VRK2: variants seen among roughly 807,000 people sequenced by gnomAD.
VRK2 encodes serine/threonine-protein kinase VRK2.
VRK2 carries 60 observed loss-of-function variants against 57.6 expected under a neutral mutation model. The ratio of observed to expected loss-of-function variants is 1.04; its 90% CI spans 0.85 to 1.29. The LOEUF (loss-of-function observed/expected upper bound fraction) is 1.29. VRK2 is among the 50% of genes most tolerant of loss of function. The pLI is 0.00. For missense variants in VRK2, 705 were observed against 588.1 expected (o/e 1.20, Z -2.06); for synonymous variants, 231 against 199.2 (o/e 1.16, Z -1.35).
At chr2:57,949,440 T>C (rs778885570) in intron 1 of VRK2, among the ~76,000 whole-genome samples, 5 of 152,208 alleles carry the variant, frequency 3.3e-5, no homozygotes, top group Admixed American at 6.5e-5. Flanking sequence ...ATGTCTGTTA[T>C]GGTGATCTGT....
intron 1 of VRK2, among the ~76,000 whole-genome samples, chr2:57,917,120 T>C (rs768407945): frequency 1.7e-4 from 26 of 152,326 alleles, no homozygotes; most frequent in Non-Finnish European, 2.8e-4. Context: ...GGAAGTCATT[T>C]ATGCCTTAAT....
At chr2:57,987,008 A>C (rs928693889) in intron 1 of VRK2, among the ~76,000 whole-genome samples, 1 of 152,200 alleles carries the variant, frequency 6.6e-6, no homozygotes, top group South Asian at 2.1e-4. Flanking sequence ...CACATGCAAA[A>C]AAATATAAAC....
chr2:58,103,638 A>G (rs1430260750), intron 7 of VRK2, among the ~76,000 whole-genome samples: 1 of 151,746 alleles, frequency 6.6e-6, no homozygotes, highest in Non-Finnish European at 1.5e-5. Flanking sequence ...CAGTAACCAA[A>G]TGGATTAATT....
At chr2:58,001,475 A>G (rs1673086451) in intron 1 of VRK2, among the ~76,000 whole-genome samples, 1 of 152,216 alleles carries the variant, frequency 6.6e-6, no homozygotes, top group Non-Finnish European at 1.5e-5. Flanking sequence ...GTTTCATGTA[A>G]GAATTAATCT....
rs570499890 is a variant in VRK2 at position 58,154,704 on chromosome 2, A to C, written c.1183-4645A>C. ...TAAAGCATTTGGAGATTTTCCTATT[A>C]TTTCTTTCCTTCATCTTGATCTTGG... On this transcript the variant is annotated intron_variant, in intron 12 of 12. Coordinates refer to ENST00000340157, the MANE Select transcript of VRK2 (RefSeq NM_006296.7). 237 of 712,296 alleles carry C rather than the reference A, an allele frequency of 3.3e-4. 1 individual carries two copies. In the African/African-American group the frequency reaches 3.7e-3, roughly 11 times the overall value. The allele number at this position is 712,296 out of a possible 1,614,324, so 44.1% of individuals were successfully genotyped here.
At chr2:58,103,190 C>T (rs1674258573) in intron 7 of VRK2, among the ~76,000 whole-genome samples, 1 of 151,190 alleles carries the variant, frequency 6.6e-6, no homozygotes, top group Admixed American at 6.6e-5. Context: ...AAGAACAAAC[C>T]ATACCCATAG....
At chr2:58,081,239 A>G (rs1391117548) in intron 2 of VRK2, among the ~76,000 whole-genome samples, 1 of 151,996 alleles carries the variant, frequency 6.6e-6, no homozygotes, top group Non-Finnish European at 1.5e-5. Context: ...CAGTTAAGTA[A>G]AGACAAATGG....
chr2:58,009,986 A>T (rs1673370097), intron 1 of VRK2, among the ~76,000 whole-genome samples: 1 of 152,234 alleles, frequency 6.6e-6, no homozygotes, highest in East Asian at 1.9e-4. Context: ...TTCTCCTCTC[A>T]TACCTTAAGC....
intron 7 of VRK2, among the ~76,000 whole-genome samples, chr2:58,092,216 A>G (rs771280945): frequency 1.3e-5 from 2 of 152,202 alleles, no homozygotes; most frequent in Middle Eastern, 3.4e-3. Flanking sequence ...CAGCCCCAGG[A>G]GATGATTTCT....
At chr2:58,111,191 A>C (rs946296000) in intron 7 of VRK2, among the ~76,000 whole-genome samples, 6 of 152,116 alleles carry the variant, frequency 3.9e-5, no homozygotes, top group Admixed American at 3.3e-4. Flanking sequence ...GGCCTTAGTG[A>C]GTGTTGAGTG....
At chr2:57,990,165 C>T (rs1672718078) in intron 1 of VRK2, among the ~76,000 whole-genome samples, 1 of 152,174 alleles carries the variant, frequency 6.6e-6, no homozygotes, top group Non-Finnish European at 1.5e-5. Flanking sequence ...GAGCATAACA[C>T]AAATGGCCAA....
intron 1 of VRK2, among the ~76,000 whole-genome samples, chr2:58,016,460 C>T (rs1673586442): frequency 6.6e-6 from 1 of 152,184 alleles, no homozygotes; most frequent in Non-Finnish European, 1.5e-5. Flanking sequence ...TTCAAGGATT[C>T]TCCTGCCTCA....
intron 1 of VRK2, among the ~76,000 whole-genome samples, chr2:57,908,598 T>C (rs1669897960): frequency 6.6e-6 from 1 of 152,230 alleles, no homozygotes; most frequent in South Asian, 2.1e-4. Context: ...GACTGGCTCT[T>C]AATAAACCTT....
At chr2:58,069,606 T>G (rs1669107391) in intron 2 of VRK2, among the ~76,000 whole-genome samples, 1 of 152,124 alleles carries the variant, frequency 6.6e-6, no homozygotes, top group South Asian at 2.1e-4. Context: ...GGACCACAAC[T>G]CATTTGATTG....
intron 9 of VRK2, among the ~76,000 whole-genome samples, 168 bp from the exon 10 acceptor site, chr2:58,134,973 C>A (rs1469176884): frequency 6.6e-6 from 1 of 151,996 alleles, no homozygotes; most frequent in Non-Finnish European, 1.5e-5. Flanking sequence ...TGAGGGTTCT[C>A]CTCTACTTCT....
intron 2 of VRK2, among the ~76,000 whole-genome samples, chr2:58,074,012 G>T (rs1669724030): frequency 6.6e-6 from 1 of 152,052 alleles, no homozygotes. Flanking sequence ...CTCACAGACA[G>T]GTCCCGGATA....
intron 1 of VRK2, among the ~76,000 whole-genome samples, chr2:57,926,445 G>C (rs201430375): frequency 4.7e-5 from 1 of 21,462 alleles, no homozygotes; most frequent in Non-Finnish European, 9.2e-5. Flanking sequence ...ATATATGTGT[G>C]TGTGTGTGTG....
chr2:58,110,981 CT>C (rs1308269819), intron 7 of VRK2, among the ~76,000 whole-genome samples: 1 of 152,140 alleles, frequency 6.6e-6, no homozygotes, highest in Non-Finnish European at 1.5e-5. Context: ...GGTCCTGCCC[CT>C]AGTGGATGTC....
chr2:58,054,540 T>C lies in VRK2; in HGVS notation c.136+5573T>C, dbSNP rs912258080. ...TATGGATAGACTTCTGCTTCTGAAG[T>C]GTTTTAGGTTTTTTTCTTTAGATAA... On this transcript the variant is annotated intron_variant, in intron 2 of 12. Coordinates refer to ENST00000340157, the MANE Select transcript of VRK2 (RefSeq NM_006296.7). 2.0e-5 allele frequency among the ~76,000 whole-genome samples: 3 copies of C among 152,074 alleles called. No individual in the cohort carries two copies. The East Asian group carries it at 5.8e-4, about 29-fold the overall frequency.
Sources: allele counts gnomAD v4.1 joint callset (sites outside exome capture counted in the v4.1 genomes callset), GRCh38; gene constraint gnomAD v4.1.1; transcripts MANE v1.5; gene names NCBI Gene and HGNC (gene_info 2026-07-23, HGNC 2026-07-21).